RGS7: variants seen among roughly 807,000 people sequenced by gnomAD.
RGS7 encodes regulator of G protein signaling 7.
A neutral mutation model predicts 81.1 loss-of-function variants in RGS7; 27 were observed. The ratio of observed to expected loss-of-function variants is 0.33; its 90% CI spans 0.25 to 0.46. RGS7 has a LOEUF of 0.46. RGS7 is among the 20% of genes least tolerant of loss of function. RGS7 has a pLI of 1.00. For synonymous variants in RGS7, 208 were observed against 207.7 expected, an observed-to-expected ratio of 1.00 and a Z score of -0.01; for missense variants, 396 against 607.4, an observed-to-expected ratio of 0.65 and a Z score of 3.66.
chr1:241,098,234 G>A (rs939712318), intron 3 of RGS7, among the ~76,000 whole-genome samples: 2 of 152,158 alleles, frequency 1.3e-5, no homozygotes, highest in Non-Finnish European at 2.9e-5. Context: ...ACAGTTGGTG[G>A]TGACAGCGGT....
intron 4 of RGS7, among the ~76,000 whole-genome samples, chr1:240,946,840 T>A (rs1678704508): frequency 6.6e-6 from 1 of 152,132 alleles, no homozygotes; most frequent in African/African-American, 2.4e-5. Flanking sequence ...AACAATGTAG[T>A]GTATATTTCA....
rs1355864155 is a variant in RGS7, at chr1:241,003,298, A to G, written c.176-20169T>C. ...AGCACAGCGAAACCCTGTCTCTACT[A>G]AAAATACAAAAAATTAGCCGGGCGT... is the stretch of plus-strand genomic sequence containing the variant. On this transcript the variant is annotated intron_variant, in intron 3 of 18. Transcript: ENST00000440928. Among the ~76,000 whole-genome samples the G allele has an allele frequency of 2.0e-5, 3 of 152,062 alleles. No individual in the cohort carries two copies. In the East Asian group the frequency reaches 5.9e-4, roughly 30 times the overall value.
chr1:240,811,190 T>C (rs1316377088), intron 14 of RGS7, among the ~76,000 whole-genome samples: 1 of 152,156 alleles, frequency 6.6e-6, no homozygotes, highest in Non-Finnish European at 1.5e-5. Flanking sequence ...AAAAGAATAA[T>C]GAATGAAAGA....
At chr1:241,288,531 G>A (rs1321764471) in intron 2 of RGS7, among the ~76,000 whole-genome samples, 2 of 152,068 alleles carry the variant, frequency 1.3e-5, no homozygotes, top group Non-Finnish European at 2.9e-5. Context: ...TGAAGTACGG[G>A]GCGCTGTTAC....
chr1:241,293,907 G>GA, intron 2 of RGS7, among the ~76,000 whole-genome samples: 1 of 152,290 alleles, frequency 6.6e-6, no homozygotes, highest in Admixed American at 6.5e-5. Flanking sequence ...TCTAGAACCA[G>GA]AAATACCATT....
intron 9 of RGS7, among the ~76,000 whole-genome samples, chr1:240,848,813 G>C (rs542484140): frequency 3.3e-5 from 5 of 152,022 alleles, no homozygotes; most frequent in African/African-American, 1.2e-4. Context: ...ATGCCAAAAA[G>C]GGTTCTTTTC....
chr1:241,186,723 C>T (rs2072152617), intron 2 of RGS7, among the ~76,000 whole-genome samples: 1 of 151,700 alleles, frequency 6.6e-6, no homozygotes, highest in Non-Finnish European at 1.5e-5. Flanking sequence ...GACGGGGTTT[C>T]TCCATGTTGG....
intron 2 of RGS7, among the ~76,000 whole-genome samples, chr1:241,172,186 A>G (rs2070782060): frequency 6.6e-6 from 1 of 151,980 alleles, no homozygotes; most frequent in Non-Finnish European, 1.5e-5. Flanking sequence ...GCACTTTTTG[A>G]TTTTTGTCTT....
At chr1:241,148,051 CTTTT>C (rs58632066) in intron 2 of RGS7, among the ~76,000 whole-genome samples, 1 of 108,492 alleles carries the variant, frequency 9.2e-6, no homozygotes, top group Non-Finnish European at 1.8e-5. Flanking sequence ...TTTTCTTTTT[CTTTT>C]TTTTTTTTTT....
intron 2 of RGS7, among the ~76,000 whole-genome samples, chr1:241,279,910 T>C (rs1279010953): frequency 6.6e-6 from 1 of 152,106 alleles, no homozygotes; most frequent in Non-Finnish European, 1.5e-5. Flanking sequence ...TTTTTATAGC[T>C]AGTGGTATTC....
At chr1:240,966,415 T>C (rs552532203) in intron 4 of RGS7, among the ~76,000 whole-genome samples, 2 of 152,194 alleles carry the variant, frequency 1.3e-5, no homozygotes, top group Non-Finnish European at 2.9e-5. Context: ...GTATGAATTC[T>C]TGCTATGGCC....
intron 9 of RGS7, among the ~76,000 whole-genome samples, chr1:240,846,077 A>G (rs1168888175): frequency 6.6e-6 from 1 of 152,228 alleles, no homozygotes; most frequent in Non-Finnish European, 1.5e-5. Context: ...CATGAATTCA[A>G]AATCTATCCA....
intron 3 of RGS7, among the ~76,000 whole-genome samples, chr1:241,098,431 C>G (rs879721494): frequency 2.0e-5 from 3 of 152,086 alleles, no homozygotes; most frequent in Non-Finnish European, 4.4e-5. Context: ...TGTTTTACTT[C>G]GCATTTGTTC....
At chr1:241,072,015 G>C (rs1334624169) in intron 3 of RGS7, among the ~76,000 whole-genome samples, 1 of 151,810 alleles carries the variant, frequency 6.6e-6, no homozygotes, top group African/African-American at 2.4e-5. Flanking sequence ...GGAATTATTA[G>C]TTTTTCAGAA....
intron 2 of RGS7, among the ~76,000 whole-genome samples, chr1:241,148,049 T>C (rs1250714535): frequency 2.4e-5 from 3 of 124,586 alleles, no homozygotes; most frequent in African/African-American, 5.5e-5. Context: ...TCTTTTCTTT[T>C]TCTTTTTTTT....
chr1:241,301,686 CT>C (rs1222891478), intron 2 of RGS7, among the ~76,000 whole-genome samples: 1 of 152,202 alleles, frequency 6.6e-6, no homozygotes. Flanking sequence ...GTAAACTGAT[CT>C]AACTATAATT....
intron 18 of RGS7, among the ~76,000 whole-genome samples, chr1:240,785,758 A>T (rs1273169252): frequency 6.6e-6 from 1 of 152,236 alleles, no homozygotes; most frequent in Non-Finnish European, 1.5e-5. Context: ...GGTGCTAAGA[A>T]GGAATTCAAG....
chr1:240,798,074 G>A (rs891425784), intron 18 of RGS7, among the ~76,000 whole-genome samples: 9 of 152,128 alleles, frequency 5.9e-5, no homozygotes, highest in Admixed American at 5.9e-4. Flanking sequence ...TGGTGAAGGT[G>A]CCCTCACCTC....
chr1:241,322,222 C>T (rs1349042328), intron 2 of RGS7, among the ~76,000 whole-genome samples: 1 of 152,194 alleles, frequency 6.6e-6, no homozygotes, highest in Non-Finnish European at 1.5e-5. Context: ...GTAAACCTCA[C>T]CTTGCTCACC....
Sources: gnomAD v4.1 joint callset for allele counts (sites outside exome capture counted in the v4.1 genomes callset) on GRCh38, gnomAD v4.1.1 for gene constraint, MANE v1.5 for transcripts, NCBI Gene and HGNC (gene_info 2026-07-23, HGNC 2026-07-21) for gene names.